RXFP2: variants seen among roughly 807,000 people sequenced by gnomAD.
The protein encoded by RXFP2 is relaxin family peptide receptor 2, also known as relaxin receptor 2.
A neutral mutation model predicts 88.6 loss-of-function variants in RXFP2; 68 were observed. The ratio of observed to expected loss-of-function variants is 0.77; its 90% CI spans 0.63 to 0.94. The LOEUF is 0.94. Among genes scored for constraint, RXFP2 ranks in the 40% least tolerant of loss-of-function variants. The probability of loss-of-function intolerance (pLI) is 0.00; values close to 1 mark genes in which losing one functional copy is unlikely to be tolerated. For synonymous variants in RXFP2, 329 were observed against 306.8 expected, an observed-to-expected ratio of 1.07 and a Z score of -0.76; for missense variants, 791 against 893.9, an observed-to-expected ratio of 0.88 and a Z score of 1.47.
At chr13:31,788,358 T>G (rs985394125) in intron 13 of RXFP2, among the ~76,000 whole-genome samples, 2 of 152,100 alleles carry the variant, frequency 1.3e-5, no homozygotes, top group African/African-American at 4.8e-5. Context: ...TATTTCAAAA[T>G]AAACATTAAA....
chr13:31,779,328 G>T (rs933778324), intron 9 of RXFP2, among the ~76,000 whole-genome samples: 1 of 151,994 alleles, frequency 6.6e-6, no homozygotes, highest in African/African-American at 2.4e-5. Context: ...GTTTCACCAT[G>T]TTGGCCAGGC....
At chr13:31,747,429 T>C (rs1871473994) in intron 1 of RXFP2, among the ~76,000 whole-genome samples, 2 of 152,170 alleles carry the variant, frequency 1.3e-5, no homozygotes, top group African/African-American at 4.8e-5. Flanking sequence ...AATGCTTCTA[T>C]TACATGCACT....
chr13:31,758,455 A>T, intron 2 of RXFP2, 51 bp downstream of exon 2: 1 of 1,598,314 alleles, frequency 6.3e-7, no homozygotes, highest in Non-Finnish European at 8.6e-7. Flanking sequence ...TGAACACCCC[A>T]AAACTGTGGG....
At chr13:31,783,029 C>T (rs1046782681) in intron 11 of RXFP2, among the ~76,000 whole-genome samples, 2 of 152,130 alleles carry the variant, frequency 1.3e-5, no homozygotes, top group African/African-American at 4.8e-5. Context: ...TCCATGGCTT[C>T]TTAAACACAG....
At chr13:31,754,243 A>G (rs1035704713) in intron 1 of RXFP2, among the ~76,000 whole-genome samples, 5 of 152,220 alleles carry the variant, frequency 3.3e-5, no homozygotes, top group Admixed American at 3.3e-4. Flanking sequence ...CAAAGAACTC[A>G]CAGTCAGCTG....
In RXFP2 at chr13:31,793,758, T is replaced by C. The variant is rs528322373; in HGVS notation, c.1786+670T>C. On this transcript the variant is annotated intron_variant, in intron 16 of 17. Coordinates refer to ENST00000298386, the MANE Select transcript of RXFP2 (RefSeq NM_130806.5). ...TAAGGCCTTTCCTATATCCTCTCTT[T>C]GGGGCGATCTTCTTTTGACTCTCTC... Among the ~76,000 whole-genome samples, 21 of 152,324 alleles carry C rather than the reference T, an allele frequency of 1.4e-4. 2 individuals carry two copies. In the South Asian group the frequency reaches 4.4e-3, roughly 32 times the overall value.
chr13:31,786,207 G>A (rs1036102704), intron 11 of RXFP2, among the ~76,000 whole-genome samples, 176 bp from the exon 12 acceptor site: 1 of 152,186 alleles, frequency 6.6e-6, no homozygotes, highest in African/African-American at 2.4e-5. Flanking sequence ...GTAAGTGTTG[G>A]AAACCGTATC....
chr13:31,746,688 G>A (rs926928422), intron 1 of RXFP2, among the ~76,000 whole-genome samples: 1 of 149,836 alleles, frequency 6.7e-6, no homozygotes, highest in Non-Finnish European at 1.5e-5. Context: ...ACATTGAATA[G>A]GTCATTGCCT....
At chr13:31,752,011 C>T (rs1175723267) in intron 1 of RXFP2, among the ~76,000 whole-genome samples, 4 of 152,194 alleles carry the variant, frequency 2.6e-5, no homozygotes, top group Admixed American at 2.6e-4. Context: ...AGAAGTCTTC[C>T]TTCTTCCCTT....
intron 5 of RXFP2, among the ~76,000 whole-genome samples, chr13:31,769,162 C>T (rs1872650528): frequency 6.6e-6 from 1 of 152,078 alleles, no homozygotes; most frequent in African/African-American, 2.4e-5. Flanking sequence ...GAAAGATAGT[C>T]AATAAACAAA....
chr13:31,750,749 G>T (rs1412909361), intron 1 of RXFP2, among the ~76,000 whole-genome samples: 1 of 152,220 alleles, frequency 6.6e-6, no homozygotes, highest in African/African-American at 2.4e-5. Context: ...GTGTCAAAAT[G>T]GATGACAGTG....
At position 31,739,638 on chromosome 13, in the gene RXFP2, A is replaced by G; in HGVS notation, c.26A>G (p.His9Arg). MIVFLVFK[H>R]LFSLRLITMF... Reference sequence around the variant, plus strand: ...ATGATTGTTTTTCTGGTTTTTAAACATCTCTTCAGCCTCAGATTGATTACA... The same window carrying G: ...ATGATTGTTTTTCTGGTTTTTAAACGTCTCTTCAGCCTCAGATTGATTACA... The change falls in exon 1 of 18, where the codon CAT (histidine) becomes CGT (arginine). Residue 9 changes from histidine (H) to arginine (R), a missense_variant. Transcript: ENST00000298386. The G allele has an allele frequency of 6.2e-7, 1 of 1,606,934 alleles. No individual in the cohort carries two copies. Among genetic ancestry groups the G allele is most frequent in the Non-Finnish European group, 8.5e-7 (1 of 1,173,598 alleles).
At chr13:31,795,094 C>T (rs928950664) in intron 16 of RXFP2, among the ~76,000 whole-genome samples, 3 of 151,892 alleles carry the variant, frequency 2.0e-5, no homozygotes, top group Non-Finnish European at 4.4e-5. Context: ...TATGCCCCAC[C>T]TGGTTTCCCC....
At chr13:31,782,605 G>A (rs1873336484) in intron 10 of RXFP2, 71 bp from the exon 11 acceptor site, 1 of 1,102,140 alleles carries the variant, frequency 9.1e-7, no homozygotes, top group Middle Eastern at 2.0e-4. Flanking sequence ...TGGATCAGTG[G>A]CCTCTCCCAA....
In RXFP2 at chr13:31,791,942, A is replaced by AT; in HGVS notation, c.1284dup (p.Thr429TyrfsTer16). On this transcript the variant is annotated frameshift_variant, in exon 15 of 18. Transcript: ENST00000298386. LOFTEE classifies it high-confidence loss of function. ...AATATTTGTCTGGGTTATAGCTTTC[A>AT]TTACCTGCTTTGGAAATCTTTTTGT... 6.2e-7 allele frequency: 1 copy of AT among 1,614,134 alleles called. No individual in the cohort carries two copies. The highest frequency in any genetic ancestry group is 8.5e-7 in the Non-Finnish European group (1 of 1,179,994).
intron 1 of RXFP2, among the ~76,000 whole-genome samples, chr13:31,740,087 A>G (rs1708355967): frequency 1.3e-5 from 2 of 152,172 alleles, no homozygotes; most frequent in South Asian, 4.1e-4. Context: ...CATAAAATTC[A>G]AGTAATTATT....
intron 3 of RXFP2, among the ~76,000 whole-genome samples, chr13:31,763,365 G>A (rs1294477510): frequency 6.6e-6 from 1 of 152,138 alleles, no homozygotes; most frequent in Non-Finnish European, 1.5e-5. Context: ...GATTACGGGT[G>A]TGAGCCACGC....
Position 31,761,736 on chromosome 13 carries a change from G to T in RXFP2, c.254G>T (p.Gly85Val). The T allele has an allele frequency of 1.9e-6, 3 of 1,611,722 alleles. No homozygotes were observed. Among genetic ancestry groups the T allele is most frequent in the Non-Finnish European group, 2.5e-6 (3 of 1,177,882 alleles). Residue 85 changes from glycine to valine, a missense_variant, in exon 3 of 18, where the codon GGA becomes GTA. Transcript: ENST00000298386. Reference protein sequence around the residue: ...ADEENCGDTSGWATIFGTVHG... With the variant: ...ADEENCGDTSVWATIFGTVHG... ...CACTATTTCACAGGTGACACTAGTG[G>T]ATGGGCGACCATATTTGGCACAGTG...
chr13:31,782,237 G>T (rs1043900995), intron 10 of RXFP2, among the ~76,000 whole-genome samples: 1 of 152,056 alleles, frequency 6.6e-6, no homozygotes, highest in Non-Finnish European at 1.5e-5. Flanking sequence ...TTATGGGGGC[G>T]GGAAGGCAGA....
Sources: gnomAD v4.1 joint callset for allele counts (sites outside exome capture counted in the v4.1 genomes callset) on GRCh38, gnomAD v4.1.1 for gene constraint, MANE v1.5 for transcripts, NCBI Gene and HGNC (gene_info 2026-07-23, HGNC 2026-07-21) for gene names.